The following NCKAP5 variants were observed in gnomAD, a reference collection of about 807,000 sequenced individuals.
NCKAP5 encodes the protein nck-associated protein 5.
A neutral mutation model predicts 167.0 loss-of-function variants in NCKAP5; 92 were observed. The observed-to-expected ratio is 0.55, with a 90% CI of 0.47 to 0.66. NCKAP5 has a LOEUF of 0.66. Among genes scored for constraint, NCKAP5 ranks in the 30% least tolerant of loss-of-function variants. The probability of loss-of-function intolerance (pLI) is 0.00; values close to 1 mark genes in which losing one functional copy is unlikely to be tolerated. For synonymous variants in NCKAP5, 891 were observed against 877.4 expected (o/e 1.02, Z -0.27); for missense variants, 2,378 against 2,315.0 (o/e 1.03, Z -0.56).
At chr2:133,592,059 TACACACAC>T in the NCKAP5 span, among the ~76,000 whole-genome samples, 7 of 150,544 alleles carry the variant, frequency 4.6e-5, no homozygotes, top group South Asian at 2.1e-4. Context: ...AGGATCATTC[TACACACAC>T]ACACACACAC....
chr2:132,828,582 T>G (rs11904722), intron 11 of NCKAP5, among the ~76,000 whole-genome samples: 1,853 of 152,292 alleles, frequency 0.012, 36 homozygotes, highest in African/African-American at 0.043. Flanking sequence ...GTGAGCCAAT[T>G]AAACCTCTTT....
chr2:133,591,864 T>C, the NCKAP5 span, among the ~76,000 whole-genome samples: 1 of 152,212 alleles, frequency 6.6e-6, no homozygotes, highest in Non-Finnish European at 1.5e-5. Flanking sequence ...GTTTATGATA[T>C]GAACTTTTCC....
At chr2:133,668,171 C>T in the NCKAP5 span, among the ~76,000 whole-genome samples, 8 of 151,930 alleles carry the variant, frequency 5.3e-5, no homozygotes, top group Admixed American at 5.2e-4. Flanking sequence ...TTTCCTTTAT[C>T]CATTTATCAA....
At chr2:133,087,429 C>T (rs535172349) in intron 6 of NCKAP5, among the ~76,000 whole-genome samples, 153 of 152,234 alleles carry the variant, frequency 1.0e-3, no homozygotes, top group African/African-American at 3.6e-3. Flanking sequence ...TCTGATGGAG[C>T]GAGATGGTGT....
At chr2:133,161,176 T>G (rs2083780860) in intron 5 of NCKAP5, among the ~76,000 whole-genome samples, 1 of 152,124 alleles carries the variant, frequency 6.6e-6, no homozygotes, top group Non-Finnish European at 1.5e-5. Context: ...GGTGAAACAG[T>G]TTCATCCTGA....
rs551623136 is a variant in NCKAP5 at position 133,324,151 on chromosome 2, A to T, written c.70-21041T>A. On this transcript the variant is annotated intron_variant, in intron 3 of 19. Coordinates refer to ENST00000409261, the MANE Select transcript of NCKAP5 (RefSeq NM_207363.3). ...AAGAAGGCTAGACTGCATGAAATTT[A>T]CCTCACCTATCCCGGCACAAGCCAG... Among the ~76,000 whole-genome samples the T allele has an allele frequency of 5.3e-5, 8 of 152,318 alleles. 1 individual carries two copies. The South Asian group carries it at 1.7e-3, about 32-fold the overall frequency.
chr2:133,227,309 T>C (rs745622730), intron 4 of NCKAP5, among the ~76,000 whole-genome samples: 4 of 152,194 alleles, frequency 2.6e-5, no homozygotes, highest in Admixed American at 6.5e-5. Flanking sequence ...TTTTGGTATG[T>C]CCATCTTCAT....
At chr2:133,082,422 T>C (rs1445974792) in intron 6 of NCKAP5, among the ~76,000 whole-genome samples, 2 of 152,138 alleles carry the variant, frequency 1.3e-5, no homozygotes, top group African/African-American at 4.8e-5. Context: ...CATAACATAC[T>C]GAGTGTGTCA....
At chr2:133,466,964 A>T (rs1411096134) in intron 3 of NCKAP5, among the ~76,000 whole-genome samples, 3 of 152,140 alleles carry the variant, frequency 2.0e-5, no homozygotes, top group Non-Finnish European at 4.4e-5. Flanking sequence ...AACAGGGACA[A>T]TTTGACTTCC....
At chr2:133,321,042 T>C (rs542426888) in intron 3 of NCKAP5, among the ~76,000 whole-genome samples, 5 of 152,298 alleles carry the variant, frequency 3.3e-5, no homozygotes, top group African/African-American at 1.2e-4. Context: ...TCGTGTATGC[T>C]CATCTGCTAT....
chr2:132,707,041 T>A (rs1688428118), intron 19 of NCKAP5, among the ~76,000 whole-genome samples: 1 of 152,134 alleles, frequency 6.6e-6, no homozygotes, highest in South Asian at 2.1e-4. Context: ...CAAAAAGACA[T>A]CTTTGTAAGA....
chr2:133,627,021 T>C, the NCKAP5 span, among the ~76,000 whole-genome samples: 1 of 152,070 alleles, frequency 6.6e-6, no homozygotes, highest in East Asian at 1.9e-4. Context: ...AAATAATTAT[T>C]ATTTCCTTGG....
intron 4 of NCKAP5, among the ~76,000 whole-genome samples, chr2:133,270,470 T>G (rs1467591767): frequency 5.3e-5 from 8 of 152,186 alleles, no homozygotes; most frequent in Non-Finnish European, 8.8e-5. Flanking sequence ...CTAAAGCCAT[T>G]AAGTAAAGGT....
At chr2:132,843,374 G>T (rs561882143) in intron 11 of NCKAP5, among the ~76,000 whole-genome samples, 1 of 151,764 alleles carries the variant, frequency 6.6e-6, no homozygotes, top group African/African-American at 2.4e-5. Flanking sequence ...TAACTGCTTT[G>T]GTTTTTGGTG....
In NCKAP5 at chr2:133,458,418, G is replaced by T. The variant is rs147328239; in HGVS notation, c.69+59040C>A. 4.2e-3 allele frequency among the ~76,000 whole-genome samples: 644 copies of T among 152,234 alleles called. 9 individuals are homozygous for T. The highest frequency in any genetic ancestry group is 0.032 in the Admixed American group (494 of 15,280). On this transcript the variant is annotated intron_variant, in intron 3 of 19. Coordinates refer to ENST00000409261, the MANE Select transcript of NCKAP5 (RefSeq NM_207363.3). ...TTTAAAAACATGAGCAACATTATGT[G>T]TTGGGCATCTAGATGGTTCATGTGT...
chr2:132,859,649 GACC>G (rs1183713569), intron 11 of NCKAP5, among the ~76,000 whole-genome samples: 1 of 152,196 alleles, frequency 6.6e-6, no homozygotes, highest in Middle Eastern at 3.2e-3. Context: ...CAGCCAATTA[GACC>G]ACGCAGTGGT....
chr2:133,276,885 T>C (rs1362984622), intron 4 of NCKAP5, among the ~76,000 whole-genome samples: 2 of 152,120 alleles, frequency 1.3e-5, no homozygotes, highest in Admixed American at 6.5e-5. Context: ...TCAATATTAA[T>C]TGATCCTTTA....
chr2:132,920,773 A>ATGTATGTATGTG (rs1175958033), intron 8 of NCKAP5, among the ~76,000 whole-genome samples: 85 of 3,820 alleles, frequency 0.022, 5 homozygotes, highest in African/African-American at 0.039. Context: ...ATATGTATGT[A>ATGTATGTATGTG]TATATATATA....
chr2:133,332,399 A>G (rs903687875), intron 3 of NCKAP5, among the ~76,000 whole-genome samples: 2 of 152,028 alleles, frequency 1.3e-5, no homozygotes, highest in African/African-American at 4.8e-5. Flanking sequence ...AGAATCAAAA[A>G]CCAATACTTA....
Sources: allele counts gnomAD v4.1 joint callset (sites outside exome capture counted in the v4.1 genomes callset), GRCh38; gene constraint gnomAD v4.1.1; transcripts MANE v1.5; gene names NCBI Gene and HGNC (gene_info 2026-07-23, HGNC 2026-07-21).